Variants in PPP6R2 observed in about 807,000 individuals in gnomAD.
PPP6R2 encodes serine/threonine-protein phosphatase 6 regulatory subunit 2.
Under a neutral mutation model 100.2 loss-of-function variants are expected in PPP6R2, and 62 were observed. That is an observed-to-expected ratio of 0.62 (90% CI 0.50 to 0.76). The LOEUF (loss-of-function observed/expected upper bound fraction) is 0.76, where lower values mean the gene tolerates loss of function less well. Among genes scored for constraint, PPP6R2 ranks in the 30% least tolerant of loss-of-function variants. PPP6R2 has a pLI of 0.00. For missense variants in PPP6R2, 1,142 were observed against 1,276.3 expected, an observed-to-expected ratio of 0.89 and a Z score of 1.60; for synonymous variants, 525 against 514.7, an observed-to-expected ratio of 1.02 and a Z score of -0.27.
intron 1 of PPP6R2, among the ~76,000 whole-genome samples, chr22:50,351,297 C>A: frequency 6.8e-6 from 1 of 146,188 alleles, no homozygotes; most frequent in Non-Finnish European, 1.5e-5. Context: ...GCCTTGGCCT[C>A]CCAAAGTGCT....
intron 3 of PPP6R2, among the ~76,000 whole-genome samples, chr22:50,398,676 TG>T (rs2057523587): frequency 1.3e-5 from 2 of 151,024 alleles, no homozygotes; most frequent in South Asian, 4.2e-4. Context: ...CCAGCATGCC[TG>T]GCTAATTTTT....
rs762841383 is a variant in PPP6R2, at chr22:50,431,364, C to A, written c.1317C>A (p.Asp439Glu). 1.9e-6 allele frequency: 3 copies of A among 1,612,670 alleles called. No individual in the cohort carries two copies. The highest frequency in any genetic ancestry group is 3.3e-5 in the Admixed American group (2 of 60,016). Residue 439 changes from aspartate to glutamate, a missense_variant, in exon 11 of 24, where the codon GAC (aspartate) becomes GAA (glutamate). Transcript: ENST00000612753. This position sits in a 1 kb window ranked among gnomAD's most constrained non-coding sequence, Gnocchi z 4.8. The part of the protein sequence containing the change: ...ETPQPAASLP[D>E]NTMVTHLFQK... Reference sequence around the variant, plus strand: ...CCCAGCCGGCCGCCAGCCTCCCTGACAACACAATGGTGACCCACGTGAGTC... The same window carrying A: ...CCCAGCCGGCCGCCAGCCTCCCTGAAAACACAATGGTGACCCACGTGAGTC...
intron 3 of PPP6R2, among the ~76,000 whole-genome samples, chr22:50,398,322 T>A (rs1305793723): frequency 6.6e-6 from 1 of 151,146 alleles, no homozygotes; most frequent in Non-Finnish European, 1.5e-5. Context: ...CAGACATGCA[T>A]CACCACACCC....
chr22:50,437,958 T>C, intron 17 of PPP6R2, 58 bp downstream of exon 17: 1 of 1,562,818 alleles, frequency 6.4e-7, no homozygotes, highest in South Asian at 1.1e-5. Flanking sequence ...GCTCAGGCCA[T>C]GCCCATGGCT....
At position 50,390,363 on chromosome 22, in the gene PPP6R2, G is replaced by T. The variant is rs1475234106; in HGVS notation, c.-16-3530G>T. 2.0e-5 allele frequency among the ~76,000 whole-genome samples: 3 copies of T among 152,084 alleles called. No homozygotes were observed. The East Asian group carries it at 5.8e-4, about 29-fold the overall frequency. ...TAGATGAAAGTCAAAGGATGTTAAA[G>T]GACATACCAAACATGAATCACAAGA... is the stretch of plus-strand genomic sequence containing the variant. On this transcript the variant is annotated intron_variant, in intron 2 of 23. Coordinates refer to ENST00000612753, the MANE Select transcript of PPP6R2 (RefSeq NM_001242898.2).
chr22:50,435,271 A>G (rs1381131009), intron 13 of PPP6R2, among the ~76,000 whole-genome samples, 190 bp downstream of exon 13: 1 of 152,192 alleles, frequency 6.6e-6, no homozygotes, highest in East Asian at 1.9e-4. Flanking sequence ...CTCATGTGTC[A>G]GTTCTATTGG....
intron 1 of PPP6R2, among the ~76,000 whole-genome samples, chr22:50,352,745 A>C (rs373476547): frequency 6.7e-4 from 96 of 143,416 alleles, no homozygotes; most frequent in African/African-American, 2.1e-3. Flanking sequence ...AAAAACAAAA[A>C]AAAAAAACAC....
At chr22:50,436,729 T>A (rs2064369829) in intron 14 of PPP6R2, among the ~76,000 whole-genome samples, 1 of 152,200 alleles carries the variant, frequency 6.6e-6, no homozygotes, top group African/African-American at 2.4e-5. Context: ...CCAGGAGCTG[T>A]AGCTTGTTGG....
At chr22:50,380,094 CAGTTCT>C (rs940423952) in intron 2 of PPP6R2, among the ~76,000 whole-genome samples, 19 of 152,110 alleles carry the variant, frequency 1.2e-4, no homozygotes, top group Admixed American at 6.6e-4. Context: ...AGGTTTGACA[CAGTTCT>C]GGTTCTGGTA....
intron 1 of PPP6R2, among the ~76,000 whole-genome samples, chr22:50,357,079 T>C (rs564321532): frequency 9.2e-4 from 140 of 152,314 alleles, no homozygotes; most frequent in African/African-American, 3.2e-3. Context: ...CAGGCGGTAG[T>C]GGTATCTTAC....
At chr22:50,430,071 G>A (rs1044522818) in intron 10 of PPP6R2, among the ~76,000 whole-genome samples, 1 of 152,260 alleles carries the variant, frequency 6.6e-6, no homozygotes, top group African/African-American at 2.4e-5. Flanking sequence ...CTGGGACACA[G>A]GCTGCCGTGG....
In PPP6R2 at chr22:50,444,379, G is replaced by C. The variant is rs1417023878; in HGVS notation, c.*132G>C. On this transcript the variant is annotated 3_prime_UTR_variant, in exon 24 of 24. Coordinates refer to ENST00000612753, the MANE Select transcript of PPP6R2 (RefSeq NM_001242898.2). ...AATAAATGCTGCATTGGTAAAGCTG[G>C]CAGTTGAAACCAGTTGGACGGCCCA... The C allele has an allele frequency of 8.0e-7, 1 of 1,249,300 alleles. No homozygotes were observed. Among genetic ancestry groups the C allele is most frequent in the Non-Finnish European group, 1.1e-6 (1 of 903,370 alleles). 77.4% of individuals were successfully genotyped at this position (1,249,300 alleles called of 1,614,324 possible). A position where few individuals can be genotyped will look rare whatever the true frequency, so the allele number is the denominator to read the frequency against.
rs375425685 is a variant in PPP6R2, at chr22:50,444,101, A to G, written c.2815A>G (p.Thr939Ala). 8 of 1,612,442 alleles carry G rather than the reference A, an allele frequency of 5.0e-6. No individual in the cohort carries two copies. The highest frequency in any genetic ancestry group is 6.8e-6 in the Non-Finnish European group (8 of 1,179,032). Residue 939 changes from threonine to alanine, a missense_variant, in exon 23 of 24, where the codon ACA becomes GCA. Coordinates refer to ENST00000612753, the MANE Select transcript of PPP6R2 (RefSeq NM_001242898.2). ...CCCAGCCATGGTGGCCACCCTGGGG[A>G]CAGTGACAAAGGACGGGTGAGCAGG... is the stretch of plus-strand genomic sequence containing the variant. ...AAPAMVATLG[T>A]VTKDGKTDAP...
intron 1 of PPP6R2, among the ~76,000 whole-genome samples, chr22:50,358,515 A>G (rs558144915): frequency 6.6e-6 from 1 of 152,204 alleles, no homozygotes; most frequent in Admixed American, 6.5e-5. Flanking sequence ...TAAAATTAAT[A>G]TGATAAACTA....
In PPP6R2 at chr22:50,444,271, C is replaced by T; in HGVS notation, c.*24C>T. ...GATGCTGCTGCCGCCCGGCCACGGCCCACCCTGGTCAGGCTGCCTCCTTAA... is the reference window on the plus strand; with the variant it reads ...GATGCTGCTGCCGCCCGGCCACGGCTCACCCTGGTCAGGCTGCCTCCTTAA... On this transcript the variant is annotated 3_prime_UTR_variant, in exon 24 of 24. Coordinates refer to ENST00000612753, the MANE Select transcript of PPP6R2 (RefSeq NM_001242898.2). The T allele has an allele frequency of 1.2e-6, 2 of 1,610,376 alleles. No individual in the cohort carries two copies. Among genetic ancestry groups the T allele is most frequent in the Non-Finnish European group, 1.7e-6 (2 of 1,179,000 alleles).
intron 3 of PPP6R2, among the ~76,000 whole-genome samples, chr22:50,405,615 A>G (rs1250624347): frequency 0.024 from 303 of 12,852 alleles, no homozygotes; most frequent in Admixed American, 0.042. Context: ...CCTGGAGAGA[A>G]GTGAGAGGCC....
chr22:50,358,747 G>T lies in PPP6R2; in HGVS notation c.-147-13273G>T, dbSNP rs1310342714. ...CTTTAATTTTTGTGTGTGATGTGAG[G>T]TGGGGTCAGGATGCATTTTTCTCCA... On this transcript the variant is annotated intron_variant, in intron 1 of 23. Coordinates refer to ENST00000612753, the MANE Select transcript of PPP6R2 (RefSeq NM_001242898.2). Among the ~76,000 whole-genome samples the T allele has an allele frequency of 3.3e-5, 5 of 152,114 alleles. No individual in the cohort carries two copies. The East Asian group carries it at 5.8e-4, about 18-fold the overall frequency.
chr22:50,424,610 C>T (rs566473163), intron 10 of PPP6R2, among the ~76,000 whole-genome samples: 115 of 149,334 alleles, frequency 7.7e-4, no homozygotes, highest in Non-Finnish European at 1.4e-3. Context: ...CAAAAGAGAC[C>T]TACTTTCCTT....
chr22:50,380,311 T>A (rs1449288916), intron 2 of PPP6R2, among the ~76,000 whole-genome samples: 1 of 151,616 alleles, frequency 6.6e-6, no homozygotes, highest in African/African-American at 2.4e-5. Flanking sequence ...GACCTCGTGA[T>A]CCACCCGCCT....
Sources: gnomAD v4.1 joint callset for allele counts (sites outside exome capture counted in the v4.1 genomes callset) on GRCh38, gnomAD v4.1.1 for gene constraint, Gnocchi (gnomAD v3.1) non-coding constraint, MANE v1.5 for transcripts, NCBI Gene and HGNC (gene_info 2026-07-23, HGNC 2026-07-21) for gene names.